SVIL: variants seen among roughly 807,000 people sequenced by gnomAD.
SVIL encodes supervillin, also known as archvillin.
A neutral mutation model predicts 240.4 loss-of-function variants in SVIL; 101 were observed. That is an observed-to-expected ratio of 0.42 (90% CI 0.36 to 0.50). The LOEUF is 0.50. SVIL is among the 20% of genes least tolerant of loss of function. The pLI, the probability that SVIL is intolerant of heterozygous loss-of-function variation, is 0.01. For missense variants in SVIL, 2,512 were observed against 2,818.7 expected (o/e 0.89, Z 2.46); for synonymous variants, 999 against 1,100.0 (o/e 0.91, Z 1.82).
chr10:29,542,610 G>A (rs1018424992), intron 6 of SVIL, among the ~76,000 whole-genome samples: 2 of 152,108 alleles, frequency 1.3e-5, no homozygotes, highest in African/African-American at 4.8e-5. Context: ...CATGCAATGC[G>A]TAATAATCAT....
chr10:29,609,908 A>G (rs1247439), intron 1 of SVIL, among the ~76,000 whole-genome samples: 63,943 of 152,096 alleles, frequency 0.42, 13,625 homozygotes, highest in African/African-American at 0.47. Flanking sequence ...CTGAGTGGAC[A>G]GAACAAGTCC....
At chr10:29,609,920 G>A (rs1247440) in intron 1 of SVIL, among the ~76,000 whole-genome samples, 17,280 of 152,268 alleles carry the variant, frequency 0.11, 1,125 homozygotes, top group Admixed American at 0.15. Context: ...AACAAGTCCA[G>A]CAGGCATGAG....
chr10:29,719,357 T>C (rs1963836422), intron 1 of SVIL, among the ~76,000 whole-genome samples: 1 of 152,220 alleles, frequency 6.6e-6, no homozygotes, highest in South Asian at 2.1e-4. Flanking sequence ...TCCTACCTAA[T>C]AAATCTTGAA....
At chr10:29,474,469 C>T (rs569480220) in intron 29 of SVIL, among the ~76,000 whole-genome samples, 2 of 152,076 alleles carry the variant, frequency 1.3e-5, no homozygotes, top group African/African-American at 2.4e-5. Flanking sequence ...GTGTTGCACA[C>T]CTGTAGTCCC....
In SVIL at chr10:29,675,683, A is replaced by G. The variant is rs1013408339; in HGVS notation, c.-301+10870T>C. Among the ~76,000 whole-genome samples the G allele has an allele frequency of 4.0e-5, 6 of 151,894 alleles. No individual in the cohort carries two copies. In the East Asian group the frequency reaches 9.7e-4, roughly 25 times the overall value. The stretch of plus-strand genomic sequence containing the variant: ...ATCTGTTCTAAGAATAAAACTAATG[A>G]TTTTTTCCCCCTTATCCACCCTCCC... On this transcript the variant is annotated intron_variant, in intron 2 of 35. Coordinates refer to the SVIL transcript ENST00000375400.
rs191265353 is a variant in SVIL at position 29,645,518 on chromosome 10, C to T, written c.-201+12451G>A. ...CCGGGAGGTGGAGTTTGCAGTGAGC[C>T]GGGATTGTGCCACTGAACTCCAGCC... On this transcript the variant is annotated intron_variant, in intron 3 of 35. Transcript: ENST00000375400. Among the ~76,000 whole-genome samples the T allele has an allele frequency of 9.9e-5, 15 of 152,060 alleles. No individual in the cohort carries two copies. The East Asian group carries it at 2.5e-3, about 25-fold the overall frequency.
At chr10:29,679,537 C>CT (rs1174209096) in intron 2 of SVIL, among the ~76,000 whole-genome samples, 4 of 148,110 alleles carry the variant, frequency 2.7e-5, no homozygotes, top group East Asian at 2.0e-4. Context: ...AAGCCAGCCA[C>CT]TTTTTTTTCT....
intron 17 of SVIL, among the ~76,000 whole-genome samples, chr10:29,507,291 G>A (rs1056633547): frequency 6.6e-6 from 1 of 152,132 alleles, no homozygotes; most frequent in African/African-American, 2.4e-5. Context: ...CTGGAGCGAA[G>A]AACATGGCTG....
intron 1 of SVIL, among the ~76,000 whole-genome samples, chr10:29,718,695 T>A (rs1033283340): frequency 1.3e-5 from 2 of 152,088 alleles, no homozygotes; most frequent in African/African-American, 4.8e-5. Flanking sequence ...TATCTTTGAG[T>A]AGTCAGTGCA....
intron 1 of SVIL, among the ~76,000 whole-genome samples, chr10:29,599,614 G>A (rs1298003163): frequency 1.3e-5 from 2 of 151,916 alleles, no homozygotes; most frequent in African/African-American, 4.8e-5. Context: ...ACGGGGTTTC[G>A]CCATGTTAGC....
At chr10:29,514,058 A>G (rs1487284016) in intron 16 of SVIL, among the ~76,000 whole-genome samples, 1 of 152,044 alleles carries the variant, frequency 6.6e-6, no homozygotes, top group Admixed American at 6.5e-5. Context: ...AGTAGGGAAA[A>G]GCCAAATAAT....
In SVIL at chr10:29,493,314, T is replaced by G; in HGVS notation, c.3919A>C (p.Thr1307Pro). ...KEVMKPDDDE[T>P]FAKFYRSVDY... ...ACGCTGCGGTAAAATTTGGCAAAGGTTTCATCATCATCTGGCTTCATCACC... is the reference window on the plus strand; with the variant it reads ...ACGCTGCGGTAAAATTTGGCAAAGGGTTCATCATCATCTGGCTTCATCACC... The change falls in exon 21 of 38, where the codon ACC becomes CCC. Residue 1307 changes from threonine (T) to proline (P), a missense_variant. Coordinates refer to ENST00000355867, the MANE Select transcript of SVIL (RefSeq NM_021738.3). 1 of 1,614,008 alleles carries G rather than the reference T, an allele frequency of 6.2e-7. No individual in the cohort carries two copies. Among genetic ancestry groups the G allele is most frequent in the Non-Finnish European group, 8.5e-7 (1 of 1,180,008 alleles).
chr10:29,572,569 G>A (rs1303259631), intron 1 of SVIL, among the ~76,000 whole-genome samples: 2 of 151,956 alleles, frequency 1.3e-5, no homozygotes, highest in East Asian at 1.9e-4. Flanking sequence ...GTTCAAGACT[G>A]GTCTGGGCAA....
intron 6 of SVIL, among the ~76,000 whole-genome samples, chr10:29,538,608 C>T (rs958290059): frequency 2.6e-5 from 4 of 152,226 alleles, no homozygotes; most frequent in African/African-American, 2.4e-5. Flanking sequence ...GCTCCCAGAT[C>T]GCCACCAGCC....
At chr10:29,716,435 C>T (rs1277319206) in intron 1 of SVIL, among the ~76,000 whole-genome samples, 2 of 151,878 alleles carry the variant, frequency 1.3e-5, no homozygotes, top group African/African-American at 4.8e-5. Flanking sequence ...ATAATACAAT[C>T]AGAACAGTCA....
chr10:29,535,340 G>A (rs7893823), intron 7 of SVIL, among the ~76,000 whole-genome samples: 2,453 of 152,258 alleles, frequency 0.016, 68 homozygotes, highest in African/African-American at 0.055. Context: ...TGTGGAATGC[G>A]TGCTCCTGAT....
intron 36 of SVIL, among the ~76,000 whole-genome samples, chr10:29,459,186 T>G (rs1429425787): frequency 6.6e-6 from 1 of 152,128 alleles, no homozygotes; most frequent in Non-Finnish European, 1.5e-5. Flanking sequence ...CATAGCTCTC[T>G]GCAGCCTTAA....
intron 1 of SVIL, among the ~76,000 whole-genome samples, chr10:29,592,792 A>T (rs571103409): frequency 3.3e-5 from 5 of 152,248 alleles, no homozygotes; most frequent in Non-Finnish European, 7.3e-5. Context: ...AGTCTAAACA[A>T]AATTCAAATC....
chr10:29,596,194 G>A (rs899349050), intron 1 of SVIL, among the ~76,000 whole-genome samples: 2 of 152,208 alleles, frequency 1.3e-5, no homozygotes, highest in South Asian at 4.1e-4. Context: ...TTCCTGGATG[G>A]GCGCAGTGGC....
Sources: gnomAD v4.1 joint callset for allele counts (sites outside exome capture counted in the v4.1 genomes callset) on GRCh38, gnomAD v4.1.1 for gene constraint, MANE v1.5 for transcripts, NCBI Gene and HGNC (gene_info 2026-07-23, HGNC 2026-07-21) for gene names.